NAGLU: variants seen among roughly 807,000 people sequenced by gnomAD.
NAGLU encodes the protein N-acetyl-alpha-glucosaminidase.
In NAGLU, 34 loss-of-function variants were observed where a neutral mutation model predicts 43.4. That is an observed-to-expected ratio of 0.78 (90% CI 0.60 to 1.04). The LOEUF is 1.04. Ranked by LOEUF, NAGLU falls within the 50% of genes least tolerant of loss-of-function variation. The probability of loss-of-function intolerance (pLI) is 0.00; values close to 1 mark genes in which losing one functional copy is unlikely to be tolerated. For missense variants in NAGLU, 910 were observed against 993.7 expected (o/e 0.92, Z 1.13); for synonymous variants, 425 against 437.6 (o/e 0.97, Z 0.36).
rs1167097629 is a variant in NAGLU, at chr17:42,543,490, G to T, written c.1484G>T (p.Arg495Met). 2 of 1,602,344 alleles carry T rather than the reference G, an allele frequency of 1.2e-6. No individual in the cohort carries two copies. The highest frequency in any genetic ancestry group is 2.7e-5 in the African/African-American group (2 of 74,788). The change falls in exon 6 of 6, where the codon AGG becomes ATG. Residue 495 changes from arginine to methionine, a missense_variant. By Grantham distance (91) the Arg-to-Met change is moderately conservative (BLOSUM62 -1). Coordinates refer to ENST00000225927, the MANE Select transcript of NAGLU (RefSeq NM_000263.4). ...VSHPDAGAAWRLLLRSVYNCS... is the reference protein window; with the variant it reads ...VSHPDAGAAWMLLLRSVYNCS... ...CACCCGGACGCAGGGGCAGCGTGGA[G>T]GCTACTGCTCCGGAGTGTGTACAAC...
At chr17:42,537,667 G>T in intron 2 of NAGLU, 122 bp downstream of exon 2, 2 of 1,371,678 alleles carry the variant, frequency 1.5e-6, no homozygotes, top group Non-Finnish European at 2.0e-6. Context: ...GTGCACAGTG[G>T]CTTGGGCCTC....
rs1213961819 is a variant in NAGLU, at chr17:42,543,354, C to T, written c.1348C>T (p.Gln450Ter). 12 of 1,612,916 alleles carry T rather than the reference C, an allele frequency of 7.4e-6. No individual in the cohort carries two copies. Among genetic ancestry groups the T allele is most frequent in the Non-Finnish European group, 8.5e-6 (10 of 1,179,820 alleles). The change falls in exon 6 of 6, where the codon CAG becomes TAG. Residue 450 changes from glutamine (Q) to a stop codon, truncating the protein, a stop_gained. Transcript: ENST00000225927. LOFTEE classifies it low-confidence loss of function (END_TRUNC). ...GTGMAPEGIS[Q>*]NEVVYSLMAE... Reference sequence around the variant, plus strand: ...GGGCATGGCCCCCGAGGGCATCAGCCAGAACGAAGTGGTCTATTCCCTCAT... The same window carrying T: ...GGGCATGGCCCCCGAGGGCATCAGCTAGAACGAAGTGGTCTATTCCCTCAT...
rs2143088021 is a variant in NAGLU, at chr17:42,538,697, T to G, written c.706T>G (p.Phe236Val). 1.9e-6 allele frequency: 3 copies of G among 1,614,064 alleles called. No homozygotes were observed. The highest frequency in any genetic ancestry group is 2.5e-6 in the Non-Finnish European group (3 of 1,180,044). ...CCGGGTCCTGGACCAGATGCGCTCC[T>G]TCGGCATGACCCCAGTGCTGCCTGC... ...QHRVLDQMRS[F>V]GMTPVLPAFA... Residue 236 changes from phenylalanine (F) to valine (V), a missense_variant, in exon 4 of 6, where the codon TTC becomes GTC. Physicochemically the swap from Phe to Val is conservative, Grantham distance 50. Transcript: ENST00000225927.
intron 1 of NAGLU, 70 bp from the exon 2 acceptor site, chr17:42,537,328 T>G (rs771881180): frequency 1.2e-6 from 2 of 1,600,030 alleles, no homozygotes; most frequent in South Asian, 2.2e-5. Flanking sequence ...AGGTGGGGGA[T>G]GGGGGATTTG....
Position 42,537,404 on chromosome 17 carries a change from C to G in NAGLU, c.390C>G (p.Arg130=). 1.2e-6 allele frequency: 2 copies of G among 1,614,230 alleles called. No individual in the cohort carries two copies. The highest frequency in any genetic ancestry group is 1.7e-6 in the Non-Finnish European group (2 of 1,180,024). Residue 130 remains arginine, a synonymous_variant, in exon 2 of 6, where the codon CGC becomes CGG. Transcript: ENST00000225927. ...CTCATGACACTGCCCGCAGGTACCG[C>G]TATTACCAGAATGTGTGCACGCAAA... ...ELTEATPNRY[R]YYQNVCTQSY... is the part of the protein sequence containing the mutation.
Position 42,543,092 on chromosome 17 carries a change from G to T in NAGLU, c.1086G>T (p.Gly362=). The part of the protein sequence containing the change: ...WLFQHQPQFW[G]PAQIRAVLGA... ...TCCAGCACCAGCCGCAGTTCTGGGG[G>T]CCCGCCCAGATCAGGGCTGTGCTGG... The change falls in exon 6 of 6, where the codon GGG becomes GGT. Residue 362 remains glycine, a synonymous_variant. Transcript: ENST00000225927. The T allele has an allele frequency of 6.2e-7, 1 of 1,611,500 alleles. No individual in the cohort carries two copies.
rs1245939928 is a variant in NAGLU at position 42,537,546 on chromosome 17, G to C, written c.531+1G>C. 6.2e-7 allele frequency: 1 copy of C among 1,613,712 alleles called. No homozygotes were observed. The highest frequency in any genetic ancestry group is 8.5e-7 in the Non-Finnish European group (1 of 1,179,998). ...CGGCCAGGAGGCCATCTGGCAGCGG[G>C]TGCGTGCCCACTGTCCCTTCCCCAC... On this transcript the variant is annotated splice_donor_variant, in intron 2 of 5. Coordinates refer to ENST00000225927, the MANE Select transcript of NAGLU (RefSeq NM_000263.4). LOFTEE classifies it high-confidence loss of function.
intron 5 of NAGLU, 110 bp from the exon 6 acceptor site, chr17:42,542,918 T>C: frequency 3.3e-6 from 5 of 1,527,368 alleles, no homozygotes; most frequent in Non-Finnish European, 4.5e-6. Context: ...GTGGGGGTCA[T>C]GGGAAGCCAT....
At position 42,544,051 on chromosome 17, in the gene NAGLU, T is replaced by G. The variant is rs2092930339; in HGVS notation, c.2045T>G (p.Leu682Arg). ...TPRWRLFLEA[L>R]VDSVAQGIPF... is the part of the protein sequence containing the mutation. ...CGCTGGCGGCTTTTCCTGGAGGCGC[T>G]GGTTGACAGTGTGGCCCAGGGCATC... The change falls in exon 6 of 6, where the codon CTG becomes CGG. Residue 682 changes from leucine to arginine, a missense_variant. Coordinates refer to ENST00000225927, the MANE Select transcript of NAGLU (RefSeq NM_000263.4). The G allele has an allele frequency of 6.2e-7, 1 of 1,613,514 alleles. No individual in the cohort carries two copies. The highest frequency in any genetic ancestry group is 8.5e-7 in the Non-Finnish European group (1 of 1,179,794).
At position 42,536,381 on chromosome 17, in the gene NAGLU, GC is replaced by G; in HGVS notation, c.112del (p.Arg38GlyfsTer84). On this transcript the variant is annotated frameshift_variant, in exon 1 of 6. Coordinates refer to ENST00000225927, the MANE Select transcript of NAGLU (RefSeq NM_000263.4). LOFTEE classifies it high-confidence loss of function. Reference protein sequence around the residue: ...REAAAVRALVARLLGPGPAAD... With the variant: ...REAAAVRALVXRLLGPGPAAD... ...GGCGGCGGCCGTGCGGGCGCTCGTG[GC>G]CCGGCTGCTGGGGCCAGGCCCCGCG... 8.4e-7 allele frequency: 1 copy of G among 1,196,800 alleles called. No homozygotes were observed. The highest frequency in any genetic ancestry group is 1.0e-6 in the Non-Finnish European group (1 of 966,492). 74.1% of individuals were successfully genotyped at this position (1,196,800 alleles called of 1,614,324 possible).
At chr17:42,540,472 G>A (rs896529593) in intron 4 of NAGLU, among the ~76,000 whole-genome samples, 4 of 151,660 alleles carry the variant, frequency 2.6e-5, no homozygotes, top group African/African-American at 4.8e-5. Context: ...CGAGACGGGC[G>A]GATCACAAGG....
In NAGLU at chr17:42,543,103, T is replaced by A; in HGVS notation, c.1097T>A (p.Ile366Asn). 1 of 1,612,706 alleles carries A rather than the reference T, an allele frequency of 6.2e-7. No individual in the cohort carries two copies. Among genetic ancestry groups the A allele is most frequent in the South Asian group, 1.1e-5 (1 of 91,084 alleles). ...HQPQFWGPAQ[I>N]RAVLGAVPRG... is the part of the protein sequence containing the mutation. The stretch of plus-strand genomic sequence containing the variant: ...CCGCAGTTCTGGGGGCCCGCCCAGA[T>A]CAGGGCTGTGCTGGGAGCTGTGCCC... Residue 366 changes from isoleucine (I) to asparagine (N), a missense_variant, in exon 6 of 6, where the codon ATC becomes AAC. Ile to Asn is a moderately radical substitution (Grantham distance 149, BLOSUM62 -3). Transcript: ENST00000225927.
chr17:42,537,002 C>G (rs2092908209), intron 1 of NAGLU: 1 of 447,540 alleles, frequency 2.2e-6, no homozygotes, highest in South Asian at 2.5e-5. Context: ...CATCCCCCAC[C>G]CTACAGGCCT....
Position 42,543,572 on chromosome 17 carries a change from C to T in NAGLU, c.1566C>T (p.Ser522=). ...HNRSPLVRRP[S]LQMNTSIWYN... The stretch of plus-strand genomic sequence containing the variant: ...GTAGCCCGCTGGTCAGGCGGCCGTC[C>T]CTACAGATGAATACCAGCATCTGGT... Residue 522 remains serine (S), a synonymous_variant, in exon 6 of 6, where the codon TCC becomes TCT. Coordinates refer to ENST00000225927, the MANE Select transcript of NAGLU (RefSeq NM_000263.4). 1 of 1,612,690 alleles carries T rather than the reference C, an allele frequency of 6.2e-7. No individual in the cohort carries two copies. The highest frequency in any genetic ancestry group is 1.6e-4 in the Middle Eastern group (1 of 6,062).
Position 42,543,167 on chromosome 17 carries a change from C to T in NAGLU, c.1161C>T (p.Ser387=). The part of the protein sequence containing the change: ...RLLVLDLFAE[S]QPVYTRTASF... ...TGGTTCTGGACCTGTTTGCTGAGAG[C>T]CAGCCTGTGTATACCCGCACTGCCT... The change falls in exon 6 of 6, where the codon AGC becomes AGT. Residue 387 remains serine (S), a synonymous_variant. Transcript: ENST00000225927. The T allele has an allele frequency of 6.2e-7, 1 of 1,614,148 alleles. No individual in the cohort carries two copies. Among genetic ancestry groups the T allele is most frequent in the East Asian group, 2.2e-5 (1 of 44,886 alleles).
rs762502127 is a variant in NAGLU at position 42,543,374 on chromosome 17, C to T, written c.1368C>T (p.Ser456=). Residue 456 remains serine, a synonymous_variant, in exon 6 of 6, where the codon TCC becomes TCT. Coordinates refer to ENST00000225927, the MANE Select transcript of NAGLU (RefSeq NM_000263.4). ...EGISQNEVVY[S]LMAELGWRKD... The stretch of plus-strand genomic sequence containing the variant: ...TCAGCCAGAACGAAGTGGTCTATTC[C>T]CTCATGGCTGAGCTGGGCTGGCGAA... 4 of 1,611,490 alleles carry T rather than the reference C, an allele frequency of 2.5e-6. No homozygotes were observed. The highest frequency in any genetic ancestry group is 3.4e-6 in the Non-Finnish European group (4 of 1,179,258).
rs2092910369 is a variant in NAGLU, at chr17:42,537,615, C to T, written c.531+70C>T. 10 of 1,576,056 alleles carry T rather than the reference C, an allele frequency of 6.3e-6. No individual in the cohort carries two copies. The South Asian group carries it at 9.0e-5, about 14-fold the overall frequency. ...CCACCGTAGGTGTTTTCACCCGCCC[C>T]CCAGCATGGGCGCAGTGTCTCTCTC... On this transcript the variant is annotated intron_variant, in intron 2 of 5. Coordinates refer to ENST00000225927, the MANE Select transcript of NAGLU (RefSeq NM_000263.4).
Position 42,544,419 on chromosome 17 carries a change from G to T in NAGLU, c.*181G>T. ...GCCCTCCACCACCACCCAAAGTGTG[G>T]GATTAAAGTACTGTTTTCTTTCCAC... On this transcript the variant is annotated 3_prime_UTR_variant, in exon 6 of 6. Transcript: ENST00000225927. 1 of 867,820 alleles carries T rather than the reference G, an allele frequency of 1.2e-6. No individual in the cohort carries two copies. 53.8% of individuals were successfully genotyped at this position (867,820 alleles called of 1,614,324 possible). A position where few individuals can be genotyped will look rare whatever the true frequency, so the allele number is the denominator to read the frequency against.
At position 42,540,520 on chromosome 17, in the gene NAGLU, C is replaced by T. The variant is rs138767198; in HGVS notation, c.765-430C>T. Among the ~76,000 whole-genome samples the T allele has an allele frequency of 2.5e-3, 387 of 151,768 alleles. 5 individuals are homozygous for T. Among genetic ancestry groups the T allele is most frequent in the African/African-American group, 9.0e-3 (373 of 41,362 alleles). ...GACCATCCTGGCTAACACAGTGAAA[C>T]TCAGTCTCTACTAAAAATACAAAAA... On this transcript the variant is annotated intron_variant, in intron 4 of 5. Coordinates refer to ENST00000225927, the MANE Select transcript of NAGLU (RefSeq NM_000263.4).
Sources: allele counts gnomAD v4.1 joint callset (sites outside exome capture counted in the v4.1 genomes callset), GRCh38; gene constraint gnomAD v4.1.1; transcripts MANE v1.5; gene names NCBI Gene and HGNC (gene_info 2026-07-23, HGNC 2026-07-21).